MRAS: variants seen among roughly 807,000 people sequenced by gnomAD.
The protein encoded by MRAS is muscle RAS oncogene homolog, also known as ras-related protein M-Ras.
Under a neutral mutation model 20.9 loss-of-function variants are expected in MRAS, and 4 were observed. The observed-to-expected ratio is 0.19, with a 90% confidence interval of 0.09 to 0.44. The LOEUF (loss-of-function observed/expected upper bound fraction) is 0.44, where lower values mean the gene tolerates loss of function less well. MRAS is among the 20% of genes least tolerant of loss of function. The probability of loss-of-function intolerance (pLI) is 0.99; values close to 1 mark genes in which losing one functional copy is unlikely to be tolerated. For synonymous variants in MRAS, 98 were observed against 102.9 expected (o/e 0.95, Z 0.29); for missense variants, 154 against 277.5 (o/e 0.56, Z 3.16).
intron 2 of MRAS, among the ~76,000 whole-genome samples, chr3:138,382,702 A>G (rs1266382792): frequency 5.9e-5 from 9 of 152,190 alleles, no homozygotes; most frequent in Admixed American, 4.6e-4. Context: ...GCAACTCCCT[A>G]CACCCAACTC....
At chr3:138,366,696 C>T (rs2054566081) in intron 1 of MRAS, among the ~76,000 whole-genome samples, 1 of 152,230 alleles carries the variant, frequency 6.6e-6, no homozygotes, top group Admixed American at 6.5e-5. Context: ...GAATTGGAGG[C>T]AGTGTGGCAT....
At chr3:138,397,958 C>A (rs1435347224) in intron 3 of MRAS, among the ~76,000 whole-genome samples, 1 of 152,194 alleles carries the variant, frequency 6.6e-6, no homozygotes, top group African/African-American at 2.4e-5. Flanking sequence ...TAGTAAAGTA[C>A]CATTTTTCAC....
chr3:138,371,935 G>A (rs1235026632), intron 1 of MRAS, among the ~76,000 whole-genome samples: 1 of 152,148 alleles, frequency 6.6e-6, no homozygotes, highest in African/African-American at 2.4e-5. Context: ...TGTTTACAAA[G>A]GTCACTCTTC....
chr3:138,348,462 C>G (rs2054158977), upstream of MRAS: 1 of 152,070 alleles, frequency 6.6e-6, no homozygotes, highest in Non-Finnish European at 1.5e-5. Context: ...GGGGTGCACG[C>G]GGGGGCGACA....
chr3:138,397,533 GGC>G (rs2055265876), intron 3 of MRAS, 56 bp downstream of exon 3: 3 of 1,591,338 alleles, frequency 1.9e-6, no homozygotes, highest in East Asian at 4.5e-5. Flanking sequence ...TGCCTCCTAG[GGC>G]GCTCTCTCTC....
intron 2 of MRAS, among the ~76,000 whole-genome samples, chr3:138,393,513 G>A (rs556663971): frequency 6.6e-6 from 1 of 152,184 alleles, no homozygotes; most frequent in Middle Eastern, 3.4e-3. Context: ...TTCAATGTCT[G>A]AGATGACTGT....
At chr3:138,396,752 G>C (rs1163857317) in intron 2 of MRAS, among the ~76,000 whole-genome samples, 1 of 152,130 alleles carries the variant, frequency 6.6e-6, no homozygotes, top group East Asian at 1.9e-4. Context: ...TCCTCCCCCA[G>C]GGTCTCCTTG....
chr3:138,350,948 A>G (rs1458152507), intron 1 of MRAS, among the ~76,000 whole-genome samples: 1 of 151,628 alleles, frequency 6.6e-6, no homozygotes, highest in African/African-American at 2.4e-5. Flanking sequence ...GTCTCAAAAA[A>G]AAAAAAAAAA....
intron 2 of MRAS, 106 bp from the exon 3 acceptor site, chr3:138,397,218 C>G (rs1690872356): frequency 1.3e-5 from 18 of 1,374,368 alleles, no homozygotes; most frequent in Non-Finnish European, 1.8e-5. Flanking sequence ...ACAGCTCGGA[C>G]TGGGCCACGG....
rs1303511786 is a variant in MRAS, at chr3:138,403,255, T to A, written c.*986T>A. The A allele has an allele frequency of 6.6e-6, 1 of 152,240 alleles. No individual in the cohort carries two copies. Among genetic ancestry groups the A allele is most frequent in the Non-Finnish European group, 1.5e-5 (1 of 68,058 alleles). 9.4% of individuals were successfully genotyped at this position (152,240 alleles called of 1,614,324 possible). A position where few individuals can be genotyped will look rare whatever the true frequency, so the allele number is the denominator to read the frequency against. ...TCTCTTGCTGCGTTTTCACATCAGC[T>A]GTGCTGCTTGGTGCCTCTCTGATAC... On this transcript the variant is annotated 3_prime_UTR_variant, in exon 6 of 6. Transcript: ENST00000423968.
intron 1 of MRAS, among the ~76,000 whole-genome samples, chr3:138,350,775 A>G (rs2054210759): frequency 1.3e-5 from 2 of 151,896 alleles, no homozygotes; most frequent in African/African-American, 4.8e-5. Context: ...AACATGGTGA[A>G]ACTCCGTCTC....
chr3:138,364,417 A>G (rs892504299), intron 1 of MRAS, among the ~76,000 whole-genome samples: 11 of 152,248 alleles, frequency 7.2e-5, no homozygotes, highest in African/African-American at 2.4e-4. Flanking sequence ...CACAGCCACC[A>G]TGAGGCAGAT....
At chr3:138,356,765 G>A (rs1178448831) in intron 1 of MRAS, among the ~76,000 whole-genome samples, 1 of 152,336 alleles carries the variant, frequency 6.6e-6, no homozygotes, top group Non-Finnish European at 1.5e-5. Context: ...GGGCAGAGCT[G>A]GAAGGCCTAG....
intron 1 of MRAS, among the ~76,000 whole-genome samples, chr3:138,352,955 G>A (rs1202787737): frequency 3.3e-5 from 5 of 152,148 alleles, no homozygotes; most frequent in South Asian, 2.1e-4. Flanking sequence ...GTGAAAATAC[G>A]CTTGGGAGGC....
chr3:138,394,275 G>A (rs552528942), intron 2 of MRAS, among the ~76,000 whole-genome samples: 3 of 152,140 alleles, frequency 2.0e-5, no homozygotes, highest in African/African-American at 4.8e-5. Flanking sequence ...TGCTGGTCCC[G>A]GAGCCCCGCC....
chr3:138,387,129 G>A (rs147514511), intron 2 of MRAS, among the ~76,000 whole-genome samples: 2 of 152,290 alleles, frequency 1.3e-5, no homozygotes, highest in Non-Finnish European at 2.9e-5. Context: ...AGGTCAGGTG[G>A]GTGGTGGTCA....
intron 4 of MRAS, among the ~76,000 whole-genome samples, chr3:138,398,929 G>A (rs1416062323): frequency 6.6e-6 from 1 of 152,204 alleles, no homozygotes; most frequent in African/African-American, 2.4e-5. Flanking sequence ...AGGGGCTCCA[G>A]GTAGGTCCCA....
Position 138,354,561 on chromosome 3 carries a change from A to C in MRAS, c.-19+5794A>C, listed in dbSNP as rs1399654613. 2.0e-5 allele frequency among the ~76,000 whole-genome samples: 3 copies of C among 152,066 alleles called. No homozygotes were observed. The East Asian group carries it at 5.8e-4, about 29-fold the overall frequency. On this transcript the variant is annotated intron_variant, in intron 1 of 5. Coordinates refer to ENST00000423968, the MANE Select transcript of MRAS (RefSeq NM_001085049.3). ...CTTCTGACCACATTGTGGAGAAGCC[A>C]CTCTGGGGAGAGTGTGTGTTTTTGG...
chr3:138,382,798 A>G (rs2054932709), intron 2 of MRAS, among the ~76,000 whole-genome samples: 2 of 152,232 alleles, frequency 1.3e-5, no homozygotes, highest in South Asian at 4.1e-4. Flanking sequence ...ATCAGGTCAT[A>G]TATGCCAGTT....
Sources: allele counts gnomAD v4.1 joint callset (sites outside exome capture counted in the v4.1 genomes callset), GRCh38; gene constraint gnomAD v4.1.1; transcripts MANE v1.5; gene names NCBI Gene and HGNC (gene_info 2026-07-23, HGNC 2026-07-21).